The following ELP4 variants were observed in gnomAD, a reference collection of about 807,000 sequenced individuals.
ELP4 encodes elongator complex protein 4.
Under a neutral mutation model 48.9 loss-of-function variants are expected in ELP4, and 51 were observed. The observed-to-expected ratio is 1.04, with a 90% confidence interval of 0.83 to 1.32. The LOEUF is 1.32. Among genes scored for constraint, ELP4 ranks in the 40% most tolerant of loss-of-function variants. The pLI, the probability that ELP4 is intolerant of heterozygous loss-of-function variation, is 0.00. For synonymous variants in ELP4, 210 were observed against 189.2 expected, an observed-to-expected ratio of 1.11 and a Z score of -0.90; for missense variants, 519 against 514.6, an observed-to-expected ratio of 1.01 and a Z score of -0.08.
intron 2 of ELP4, among the ~76,000 whole-genome samples, chr11:31,539,461 A>T (rs542372786): frequency 6.6e-6 from 1 of 152,320 alleles, no homozygotes; most frequent in South Asian, 2.1e-4. Context: ...CTCAAAAAAA[A>T]AGTGCCTAGT....
chr11:31,556,948 T>C (rs769229839), intron 3 of ELP4, among the ~76,000 whole-genome samples: 2 of 151,884 alleles, frequency 1.3e-5, no homozygotes, highest in Non-Finnish European at 3.0e-5. Flanking sequence ...AAATGAATAA[T>C]TCAAATTTAA....
intron 2 of ELP4, among the ~76,000 whole-genome samples, chr11:31,529,254 G>A (rs1956352721): frequency 6.6e-6 from 1 of 151,926 alleles, no homozygotes; most frequent in Admixed American, 6.6e-5. Context: ...CCCTAGAATT[G>A]GTGAGTTCTC....
chr11:31,569,096 TA>T (rs1203133098), intron 3 of ELP4, among the ~76,000 whole-genome samples: 1 of 143,928 alleles, frequency 6.9e-6, no homozygotes, highest in Admixed American at 6.9e-5. Context: ...AAAAAAAAAA[TA>T]AAAAAAAGGA....
rs1948681171 is a variant in ELP4 at position 31,786,945 on chromosome 11, A to C, written c.*3421A>C. ...GATTCTACTGAAGTCTTCACAAATA[A>C]TCTCCATCCTGGAAGATGGTGTCAA... is the stretch of plus-strand genomic sequence containing the variant. On this transcript the variant is annotated 3_prime_UTR_variant, in exon 10 of 10. Coordinates refer to ENST00000640961, the MANE Select transcript of ELP4 (RefSeq NM_019040.5). 4.6e-6 allele frequency: 1 copy of C among 219,646 alleles called. No individual in the cohort carries two copies. The highest frequency in any genetic ancestry group is 1.9e-4 in the South Asian group (1 of 5,394). 13.6% of individuals were successfully genotyped at this position (219,646 alleles called of 1,614,324 possible). A position where few individuals can be genotyped will look rare whatever the true frequency, so the allele number is the denominator to read the frequency against.
chr11:31,720,904 A>T (rs910394595), intron 9 of ELP4, among the ~76,000 whole-genome samples: 6 of 152,222 alleles, frequency 3.9e-5, no homozygotes, highest in Non-Finnish European at 8.8e-5. Context: ...GCCCAGCCTA[A>T]GAAGACAGGC....
At chr11:31,686,905 G>C (rs2134132167) in intron 9 of ELP4, among the ~76,000 whole-genome samples, 1 of 151,862 alleles carries the variant, frequency 6.6e-6, no homozygotes, top group East Asian at 1.9e-4. Flanking sequence ...AGTATGAAAA[G>C]AGATTGGAGT....
intron 9 of ELP4, among the ~76,000 whole-genome samples, chr11:31,779,473 A>G (rs1948322367): frequency 6.6e-6 from 1 of 152,196 alleles, no homozygotes; most frequent in Admixed American, 6.5e-5. Context: ...CTGCTGACTC[A>G]GAAGGAACAA....
intron 9 of ELP4, among the ~76,000 whole-genome samples, chr11:31,744,462 T>C (rs1238157911): frequency 6.6e-6 from 1 of 152,190 alleles, no homozygotes; most frequent in Non-Finnish European, 1.5e-5. Context: ...ACCAATATCC[T>C]TGATGAACAT....
intron 3 of ELP4, among the ~76,000 whole-genome samples, chr11:31,580,013 A>G (rs1244468149): frequency 6.6e-6 from 1 of 152,192 alleles, no homozygotes; most frequent in East Asian, 1.9e-4. Context: ...TTTATAGTGA[A>G]TGCAATATGC....
At chr11:31,732,444 T>A (rs1408677507) in intron 9 of ELP4, among the ~76,000 whole-genome samples, 1 of 126,382 alleles carries the variant, frequency 7.9e-6, no homozygotes, top group Non-Finnish European at 1.7e-5. Context: ...CAAAAGAAAA[T>A]GATAAAGGAA....
chr11:31,658,799 G>C (rs1314846376), intron 9 of ELP4, among the ~76,000 whole-genome samples: 3 of 151,496 alleles, frequency 2.0e-5, no homozygotes, highest in African/African-American at 7.3e-5. Flanking sequence ...TTTTAATAAG[G>C]GTCTACTGAA....
At chr11:31,705,840 T>G (rs1360690001) in intron 9 of ELP4, among the ~76,000 whole-genome samples, 2 of 143,014 alleles carry the variant, frequency 1.4e-5, no homozygotes, top group Non-Finnish European at 3.0e-5. Context: ...AATACATAAT[T>G]TTTTTTAAAT....
rs144426459 is a variant in ELP4, at chr11:31,721,204, A to G, written c.1144-62189A>G. ...CTTTTGAGCTAGTATGAAGTCAATG[A>G]GCTGCCTTCAGCATTCATGAAGAGG... is the stretch of plus-strand genomic sequence containing the variant. On this transcript the variant is annotated intron_variant, in intron 9 of 9. Coordinates refer to ENST00000640961, the MANE Select transcript of ELP4 (RefSeq NM_019040.5). Among the ~76,000 whole-genome samples the G allele has an allele frequency of 1.4e-3, 210 of 152,314 alleles. 1 individual carries two copies. Among genetic ancestry groups the G allele is most frequent in the Admixed American group, 3.9e-3 (60 of 15,296 alleles).
chr11:31,674,876 A>T (rs1393783401), intron 9 of ELP4, among the ~76,000 whole-genome samples: 1 of 152,228 alleles, frequency 6.6e-6, no homozygotes, highest in Admixed American at 6.5e-5. Context: ...AACAAAACTG[A>T]ATGTTACCTC....
At chr11:31,569,618 C>T (rs1957163885) in intron 3 of ELP4, among the ~76,000 whole-genome samples, 1 of 152,046 alleles carries the variant, frequency 6.6e-6, no homozygotes, top group Non-Finnish European at 1.5e-5. Flanking sequence ...CACAGCTATT[C>T]AGGAGGCTGA....
intron 9 of ELP4, among the ~76,000 whole-genome samples, chr11:31,766,056 T>G (rs946145929): frequency 5.9e-5 from 9 of 152,096 alleles, no homozygotes; most frequent in African/African-American, 1.4e-4. Flanking sequence ...ATCTTCTGTG[T>G]GGTGCTTCAT....
chr11:31,517,678 G>A lies in ELP4; in HGVS notation c.224-2378G>A, dbSNP rs141593401. Among the ~76,000 whole-genome samples the A allele has an allele frequency of 2.1e-3, 323 of 150,956 alleles. 1 individual carries two copies. The highest frequency in any genetic ancestry group is 0.014 in the Middle Eastern group (4 of 290). On this transcript the variant is annotated intron_variant, in intron 1 of 9. Coordinates refer to ENST00000640961, the MANE Select transcript of ELP4 (RefSeq NM_019040.5). Reference sequence around the variant, plus strand: ...GTCACCTAGGCTGGAGTGCAGTGGCGCGATCTCAGCTCCCTGCAACCTCCC... The same window carrying A: ...GTCACCTAGGCTGGAGTGCAGTGGCACGATCTCAGCTCCCTGCAACCTCCC...
In ELP4 at chr11:31,627,195, G is replaced by T; in HGVS notation, c.738+1G>T. On this transcript the variant is annotated splice_donor_variant, in intron 6 of 9. Transcript: ENST00000640961. LOFTEE classifies it high-confidence loss of function. ...AGGATTTGATGGATCCAATCCTCAG[G>T]TATTAAATAGCTTCAAAGTCTTTTA... 1 of 1,321,574 alleles carries T rather than the reference G, an allele frequency of 7.6e-7. No homozygotes were observed. Among genetic ancestry groups the T allele is most frequent in the Non-Finnish European group, 1.0e-6 (1 of 992,272 alleles). 81.9% of individuals were successfully genotyped at this position (1,321,574 alleles called of 1,614,324 possible). A position where few individuals can be genotyped will look rare whatever the true frequency, so the allele number is the denominator to read the frequency against.
chr11:31,614,478 T>C (rs1383252784), intron 5 of ELP4, among the ~76,000 whole-genome samples: 1 of 152,176 alleles, frequency 6.6e-6, no homozygotes, highest in African/African-American at 2.4e-5. Context: ...TAGGAAGCTA[T>C]AAGTACATAC....
Sources: allele counts gnomAD v4.1 joint callset (sites outside exome capture counted in the v4.1 genomes callset), GRCh38; gene constraint gnomAD v4.1.1; transcripts MANE v1.5; gene names NCBI Gene and HGNC (gene_info 2026-07-23, HGNC 2026-07-21).